Variants in MFSD12 observed in about 807,000 individuals in gnomAD.
MFSD12 encodes the protein major facilitator superfamily domain-containing protein 12.
A neutral mutation model predicts 51.2 loss-of-function variants in MFSD12; 67 were observed. The ratio of observed to expected loss-of-function variants is 1.31; its 90% CI spans 1.08 to 1.60. The LOEUF is 1.60. Ranked by LOEUF, MFSD12 falls within the 40% of genes most tolerant of loss-of-function variation. The pLI is 0.00. For synonymous variants in MFSD12, 441 were observed against 316.7 expected, an observed-to-expected ratio of 1.39 and a Z score of -4.17; for missense variants, 921 against 673.0, an observed-to-expected ratio of 1.37 and a Z score of -4.08.
chr19:3,546,301 A>G lies in MFSD12; in HGVS notation c.1148T>C (p.Leu383Pro). 1 of 1,610,196 alleles carries G rather than the reference A, an allele frequency of 6.2e-7. No homozygotes were observed. The highest frequency in any genetic ancestry group is 1.1e-5 in the South Asian group (1 of 90,744). ...VLLGAGCATI[L>P]VTSLAMTADL... ...GGCCGTCATGGCCAGCGAGGTGACG[A>G]GGATGGTGGCACAGCCAGCACCCAG... Residue 383 changes from leucine (L) to proline (P), a missense_variant, in exon 7 of 10, where the codon CTC becomes CCC. Physicochemically the swap from Leu to Pro is moderately conservative, Grantham distance 98. Transcript: ENST00000355415.
chr19:3,544,054 A>C (rs1406961221), downstream of MFSD12: 10 of 1,489,208 alleles, frequency 6.7e-6, no homozygotes, highest in Non-Finnish European at 8.1e-6. Flanking sequence ...CACCCAGATG[A>C]GGGGGCACTA....
At chr19:3,538,722 C>G in exon 5 of MFSD12, 1 of 476,974 alleles carries the variant, frequency 2.1e-6, no homozygotes. Context: ...TGTCACAAAT[C>G]GTGCTGCTGT....
chr19:3,557,014 C>T (rs947287280), intron 1 of MFSD12, 92 bp downstream of exon 1: 22 of 1,021,896 alleles, frequency 2.2e-5, no homozygotes, highest in Non-Finnish European at 2.6e-5. Context: ...CTGAGGCAGG[C>T]AGACGGCGGG....
At chr19:3,543,939 T>G, downstream of MFSD12, 1 of 1,549,344 alleles carries the variant, frequency 6.5e-7, no homozygotes. Flanking sequence ...CTACCGGGAG[T>G]GGGTCCTGGA....
chr19:3,544,172 C>A (rs574777726), downstream of MFSD12: 14 of 1,372,750 alleles, frequency 1.0e-5, no homozygotes, highest in Non-Finnish European at 1.3e-5. Context: ...TGCCCAGAGC[C>A]CCCCCGCAGG....
At chr19:3,541,804 T>A, downstream of MFSD12, 2 of 984,722 alleles carry the variant, frequency 2.0e-6, no homozygotes, top group Non-Finnish European at 2.4e-6. Context: ...TTGAATATTA[T>A]TCTGTGCTGT....
In MFSD12 at chr19:3,544,358, C is replaced by CAGGCTGGAGGTGAGGGGTGAACT. The variant is rs1327369874; in HGVS notation, c.*329_*351dup. On this transcript the variant is annotated 3_prime_UTR_variant, in exon 10 of 10. Coordinates refer to ENST00000355415, the MANE Select transcript of MFSD12 (RefSeq NM_174983.5). ...GGCCCTGGCAGTGTCTGGAGACCCCCAGGCTGGAGGTGAGGGGTGAACTGG... is the reference window on the plus strand; with the variant it reads ...GGCCCTGGCAGTGTCTGGAGACCCCCAGGCTGGAGGTGAGGGGTGAACTAGGCTGGAGGTGAGGGGTGAACTGG... The CAGGCTGGAGGTGAGGGGTGAACT allele has an allele frequency of 1.6e-6, 2 of 1,278,614 alleles. No homozygotes were observed. Among genetic ancestry groups the CAGGCTGGAGGTGAGGGGTGAACT allele is most frequent in the African/African-American group, 3.0e-5 (2 of 66,150 alleles). 79.2% of individuals were successfully genotyped at this position (1,278,614 alleles called of 1,614,324 possible).
downstream of MFSD12, chr19:3,542,561 C>A: frequency 2.4e-6 from 2 of 829,182 alleles, no homozygotes; most frequent in Admixed American, 6.2e-5. Flanking sequence ...GCAAACTCCA[C>A]TTCCTGGGTT....
At chr19:3,541,284 C>T (rs151064179), downstream of MFSD12, among the ~76,000 whole-genome samples, 2,863 of 151,618 alleles carry the variant, frequency 0.019, 97 homozygotes, top group African/African-American at 0.066. Flanking sequence ...TGCAGTGAGC[C>T]GAAATCGTGC....
At chr19:3,547,419 C>A in intron 5 of MFSD12, 36 bp downstream of exon 5, 14 of 1,610,464 alleles carry the variant, frequency 8.7e-6, no homozygotes, top group Non-Finnish European at 1.2e-5. Flanking sequence ...AGGCTGGGGC[C>A]GTCCCATCCC....
chr19:3,542,205 T>C (rs1439475866), downstream of MFSD12: 1 of 985,262 alleles, frequency 1.0e-6, no homozygotes, highest in African/African-American at 1.7e-5. Context: ...ATTGCCTTTC[T>C]AGTGGAAAAG....
At chr19:3,549,591 C>G (rs575066654) in intron 2 of MFSD12, among the ~76,000 whole-genome samples, 3 of 151,718 alleles carry the variant, frequency 2.0e-5, no homozygotes, top group African/African-American at 7.3e-5. Context: ...GGGGTGGTGG[C>G]GGGTGCCTGT....
At chr19:3,542,803 C>A (rs1020599961), downstream of MFSD12, 7 of 1,371,436 alleles carry the variant, frequency 5.1e-6, no homozygotes, top group Non-Finnish European at 6.8e-6. Flanking sequence ...CCAGTCTTCC[C>A]TGGGCCATGG....
intron 8 of MFSD12, among the ~76,000 whole-genome samples, chr19:3,545,280 CGCCTGGGTCAGG>C (rs1281278014): frequency 6.6e-6 from 1 of 152,196 alleles, no homozygotes; most frequent in East Asian, 1.9e-4. Context: ...CGTCTGTGAG[CGCCTGGGTCAGG>C]GCCTGTCCCT....
At chr19:3,544,040 T>A (rs1428307001), downstream of MFSD12, 4 of 1,505,134 alleles carry the variant, frequency 2.7e-6, no homozygotes, top group South Asian at 1.3e-5. Flanking sequence ...ACCCACTGTC[T>A]CTGCACCCAG....
Position 3,544,218 on chromosome 19 carries a change from G to A in MFSD12, c.*492C>T, listed in dbSNP as rs372650934. The stretch of plus-strand genomic sequence containing the variant: ...CCAGGCTGCCGTCATCTCTTTATTT[G>A]CTGCCAGCAGAGTCCACCAAGCCTG... On this transcript the variant is annotated 3_prime_UTR_variant, in exon 10 of 10. Coordinates refer to ENST00000355415, the MANE Select transcript of MFSD12 (RefSeq NM_174983.5). 3,817 of 1,345,496 alleles carry A rather than the reference G, an allele frequency of 2.8e-3. 13 individuals carry two copies. Among genetic ancestry groups the A allele is most frequent in the South Asian group, 8.1e-3 (401 of 49,644 alleles). The allele number at this position is 1,345,496 out of a possible 1,614,324, so 83.3% of individuals were successfully genotyped here. A position where few individuals can be genotyped will look rare whatever the true frequency, so the allele number is the denominator to read the frequency against.
chr19:3,546,657 A>G (rs1352088807), intron 6 of MFSD12, among the ~76,000 whole-genome samples: 1 of 152,224 alleles, frequency 6.6e-6, no homozygotes, highest in Non-Finnish European at 1.5e-5. Flanking sequence ...ATTCTGCCTG[A>G]GCGCAGGTCA....
In MFSD12 at chr19:3,544,871, A is replaced by ACGCCGC. The variant is rs747452628; in HGVS notation, c.1352_1357dup (p.Gly451_Gly452dup). The ACGCCGC allele has an allele frequency of 6.2e-7, 1 of 1,611,428 alleles. No homozygotes were observed. Among genetic ancestry groups the ACGCCGC allele is most frequent in the Non-Finnish European group, 8.5e-7 (1 of 1,179,430 alleles). ...GAGACACAGGGCAGCGGCCACGCCCACGCCGCCCGTCACAGCCACCATCGC... is the reference window on the plus strand; with the variant it reads ...GAGACACAGGGCAGCGGCCACGCCCACGCCGCCGCCGCCCGTCACAGCCACCATCGC... On this transcript the variant is annotated inframe_insertion, in exon 9 of 10. Coordinates refer to ENST00000355415, the MANE Select transcript of MFSD12 (RefSeq NM_174983.5).
rs756636704 is a variant in MFSD12 at position 3,551,122 on chromosome 19, TC to T, written c.370del (p.Glu124SerfsTer13). 83 of 1,612,870 alleles carry T rather than the reference TC, an allele frequency of 5.1e-5. No homozygotes were observed. Among genetic ancestry groups the T allele is most frequent in the Non-Finnish European group, 6.6e-5 (78 of 1,179,948 alleles). On this transcript the variant is annotated frameshift_variant, in exon 2 of 10. Coordinates refer to ENST00000355415, the MANE Select transcript of MFSD12 (RefSeq NM_174983.5). LOFTEE classifies it high-confidence loss of function. The surrounding 1 kb of genome is among the most constrained non-coding windows in gnomAD (Gnocchi z 4.6). ...PCLGCGAATP[E>X]WAALLYYGPF... ...GCCGTAGTAGAGGAGGGCAGCCCAC[TC>T]GGGCGTGGCCGCCCCACAGCCCAGG...
Sources: gnomAD v4.1 joint callset for allele counts (sites outside exome capture counted in the v4.1 genomes callset) on GRCh38, gnomAD v4.1.1 for gene constraint, Gnocchi (gnomAD v3.1) non-coding constraint, MANE v1.5 for transcripts, NCBI Gene and HGNC (gene_info 2026-07-23, HGNC 2026-07-21) for gene names.